The following ANK3 variants were observed in gnomAD, a reference collection of about 807,000 sequenced individuals.
ANK3 encodes the protein ankyrin 3, also known as ankyrin-3.
A neutral mutation model predicts 370.9 loss-of-function variants in ANK3; 57 were observed. That is an observed-to-expected ratio of 0.15 (90% confidence interval 0.12 to 0.19). The LOEUF is 0.19. ANK3 is among the 10% of genes least tolerant of loss of function. The pLI is 1.00. For synonymous variants in ANK3, 1,929 were observed against 1,946.3 expected (o/e 0.99, Z 0.23); for missense variants, 4,439 against 5,302.1 (o/e 0.84, Z 5.06).
At chr10:60,469,021 C>A (rs1228052817) in intron 2 of ANK3, among the ~76,000 whole-genome samples, 3 of 33,780 alleles carry the variant, frequency 8.9e-5, no homozygotes, top group Non-Finnish European at 1.3e-4. Flanking sequence ...ATATATATAC[C>A]ACTTTTAGTG....
In ANK3 at chr10:60,243,200, T is replaced by C. The variant is rs577489995; in HGVS notation, c.799-8414A>G. Among the ~76,000 whole-genome samples, 82 of 152,186 alleles carry C rather than the reference T, an allele frequency of 5.4e-4. 2 individuals carry two copies. Among genetic ancestry groups the C allele is most frequent in the Admixed American group, 2.6e-4 (4 of 15,280 alleles). On this transcript the variant is annotated intron_variant, in intron 7 of 43. Transcript: ENST00000280772. ...TAAATTCTCTGTATTGCAGATCTCT[T>C]ATCTGTAAAATTAGGCTAATAATAG...
chr10:60,336,091 G>A (rs187289723), intron 1 of ANK3, among the ~76,000 whole-genome samples: 30 of 141,984 alleles, frequency 2.1e-4, no homozygotes, highest in Admixed American at 1.2e-3. Flanking sequence ...ATAGTTTGGC[G>A]GGGGGGGGAA....
chr10:60,240,723 C>T (rs773997165), intron 7 of ANK3, among the ~76,000 whole-genome samples: 1 of 152,110 alleles, frequency 6.6e-6, no homozygotes, highest in South Asian at 2.1e-4. Flanking sequence ...TCCTGAGTAG[C>T]TGGGATTACA....
At chr10:60,056,654 T>C (rs2131917218) in intron 41 of ANK3, among the ~76,000 whole-genome samples, 1 of 152,284 alleles carries the variant, frequency 6.6e-6, no homozygotes, top group Non-Finnish European at 1.5e-5. Context: ...GAAAGGCTCA[T>C]GGACATACCT....
chr10:60,226,226 A>C (rs2132503229), intron 8 of ANK3, among the ~76,000 whole-genome samples: 1 of 123,228 alleles, frequency 8.1e-6, no homozygotes, highest in East Asian at 2.3e-4. Flanking sequence ...TACTATATAT[A>C]CTATGTATAT....
At chr10:60,239,730 G>A (rs1396486451) in intron 7 of ANK3, among the ~76,000 whole-genome samples, 3 of 151,810 alleles carry the variant, frequency 2.0e-5, no homozygotes, top group African/African-American at 7.3e-5. Context: ...GATAACGGAT[G>A]GTCCAAAGTA....
intron 7 of ANK3, 24 bp from the exon 8 acceptor site, chr10:60,234,810 A>G (rs1396844872): frequency 2.0e-6 from 3 of 1,524,786 alleles, no homozygotes; most frequent in African/African-American, 2.7e-5. Context: ...GAAAAAGTAC[A>G]GATTTGATAT....
At chr10:60,064,075 T>C in intron 39 of ANK3, 82 bp downstream of exon 39, 1 of 1,311,150 alleles carries the variant, frequency 7.6e-7, no homozygotes, top group Non-Finnish European at 1.0e-6. Context: ...ACAACACTAC[T>C]TGGATGAACC....
chr10:60,448,391 CTG>C (rs1172720514), intron 2 of ANK3, among the ~76,000 whole-genome samples: 1 of 152,206 alleles, frequency 6.6e-6, no homozygotes, highest in African/African-American at 2.4e-5. Context: ...TTCTCACATC[CTG>C]TCTTTCCTTC....
intron 1 of ANK3, among the ~76,000 whole-genome samples, chr10:60,361,458 T>C (rs2058597365): frequency 6.6e-6 from 1 of 152,230 alleles, no homozygotes; most frequent in Admixed American, 6.5e-5. Flanking sequence ...GTTTAGGGAA[T>C]AGAATTGTGA....
chr10:60,366,006 C>G (rs1370645220), intron 1 of ANK3, among the ~76,000 whole-genome samples: 1 of 152,164 alleles, frequency 6.6e-6, no homozygotes, highest in Non-Finnish European at 1.5e-5. Flanking sequence ...ACCTTAGTCT[C>G]TCACCTGTTA....
At chr10:60,275,040 T>C (rs542464848) in intron 4 of ANK3, among the ~76,000 whole-genome samples, 1 of 152,256 alleles carries the variant, frequency 6.6e-6, no homozygotes, top group African/African-American at 2.4e-5. Flanking sequence ...GGCACATGGA[T>C]TGGGAGAATG....
intron 2 of ANK3, among the ~76,000 whole-genome samples, chr10:60,593,455 A>G (rs1216374488): frequency 6.6e-6 from 1 of 152,212 alleles, no homozygotes; most frequent in Non-Finnish European, 1.5e-5. Context: ...GGCAGGTAAT[A>G]TAGAATAATA....
chr10:60,359,044 A>G (rs934680238), intron 1 of ANK3, among the ~76,000 whole-genome samples: 5 of 151,898 alleles, frequency 3.3e-5, no homozygotes, highest in African/African-American at 1.2e-4. Flanking sequence ...TCACATGTTG[A>G]TTGTTTGACT....
chr10:60,518,554 C>A (rs2076277113), intron 2 of ANK3, among the ~76,000 whole-genome samples: 2 of 152,072 alleles, frequency 1.3e-5, no homozygotes, highest in South Asian at 4.1e-4. Context: ...AATCTATACC[C>A]CAAATGAACC....
chr10:60,199,488 C>G (rs1486979840), intron 13 of ANK3, among the ~76,000 whole-genome samples: 1 of 152,278 alleles, frequency 6.6e-6, no homozygotes, highest in African/African-American at 2.4e-5. Context: ...GCTACTACTG[C>G]CACCCCTTAC....
In ANK3 at chr10:60,702,488, T is replaced by C. The variant is rs1428602972; in HGVS notation, c.57+30775A>G. On this transcript the variant is annotated intron_variant, in intron 1 of 43. Transcript: ENST00000373827. The stretch of plus-strand genomic sequence containing the variant: ...GGTATATACTGTGGGATAAATCCAA[T>C]GAGTAATTATTTGATATTCTGGTGT... Among the ~76,000 whole-genome samples, 3 of 152,166 alleles carry C rather than the reference T, an allele frequency of 2.0e-5. No individual in the cohort carries two copies. In the East Asian group the frequency reaches 5.8e-4, roughly 29 times the overall value.
chr10:60,697,031 A>G (rs1051470660), intron 1 of ANK3, among the ~76,000 whole-genome samples: 10 of 147,366 alleles, frequency 6.8e-5, no homozygotes, highest in African/African-American at 2.3e-4. Flanking sequence ...AATCTCCTTA[A>G]GCTGATAAGC....
At chr10:60,678,801 C>T (rs59101098) in intron 1 of ANK3, among the ~76,000 whole-genome samples, 7,880 of 152,256 alleles carry the variant, frequency 0.052, 282 homozygotes, top group African/African-American at 0.085. Flanking sequence ...TGTAACTTTT[C>T]TCTTTAATGT....
Sources: gnomAD v4.1 joint callset for allele counts (sites outside exome capture counted in the v4.1 genomes callset) on GRCh38, gnomAD v4.1.1 for gene constraint, MANE v1.5 for transcripts, NCBI Gene and HGNC (gene_info 2026-07-23, HGNC 2026-07-21) for gene names.